Variants in NMRK1 observed in about 807,000 individuals in gnomAD.
NMRK1 encodes nicotinamide riboside kinase 1, also known as NRK 1.
In NMRK1, 28 loss-of-function variants were observed where a neutral mutation model predicts 29.9. The observed-to-expected ratio is 0.94, with a 90% CI of 0.69 to 1.28. NMRK1 has a LOEUF of 1.28. Ranked by LOEUF, NMRK1 falls within the 50% of genes most tolerant of loss-of-function variation. NMRK1 has a pLI of 0.00. For missense variants in NMRK1, 218 were observed against 233.1 expected (o/e 0.94, Z 0.42); for synonymous variants, 58 against 73.0 (o/e 0.79, Z 1.05).
chr9:75,067,100 A>T (rs746538192), intron 7 of NMRK1: 2 of 315,416 alleles, frequency 6.3e-6, no homozygotes, highest in Non-Finnish European at 1.2e-5. Flanking sequence ...AGAGAAAGAA[A>T]GAAGAAAGGA....
At chr9:75,073,310 C>G (rs1436912583) in intron 4 of NMRK1, among the ~76,000 whole-genome samples, 1 of 152,166 alleles carries the variant, frequency 6.6e-6, no homozygotes, top group African/African-American at 2.4e-5. Flanking sequence ...CAGAGGGAAC[C>G]CACCCTGCTG....
rs768209172 is a variant in NMRK1, at chr9:75,061,536, T to C, written c.*12A>G. 4 of 1,608,548 alleles carry C rather than the reference T, an allele frequency of 2.5e-6. No individual in the cohort carries two copies. In the African/African-American group the frequency reaches 5.4e-5, roughly 22 times the overall value. ...CTAATTCACTTCAGGAAGGATTTGTTGTGTTCCGTCTTTATGCTGTCACTT... is the reference window on the plus strand; with the variant it reads ...CTAATTCACTTCAGGAAGGATTTGTCGTGTTCCGTCTTTATGCTGTCACTT... On this transcript the variant is annotated 3_prime_UTR_variant, in exon 9 of 9. Coordinates refer to ENST00000361092, the MANE Select transcript of NMRK1 (RefSeq NM_017881.3).
chr9:75,068,164 A>G (rs891464690), intron 7 of NMRK1, among the ~76,000 whole-genome samples: 2 of 152,062 alleles, frequency 1.3e-5, no homozygotes, highest in Non-Finnish European at 2.9e-5. Flanking sequence ...CTGTTCTATC[A>G]CCCAGTTCTA....
chr9:75,078,569 C>G, intron 2 of NMRK1: 1 of 1,274,990 alleles, frequency 7.8e-7, no homozygotes, highest in Non-Finnish European at 9.9e-7. Context: ...CGTGTTTTAA[C>G]CTGGGGCTCA....
intron 7 of NMRK1, 60 bp downstream of exon 7, chr9:75,068,936 C>T (rs1564128118): frequency 8.6e-7 from 1 of 1,169,430 alleles, no homozygotes; most frequent in East Asian, 2.3e-5. Flanking sequence ...CCTTTCTTTT[C>T]TATACTTTGA....
intron 1 of NMRK1, among the ~76,000 whole-genome samples, chr9:75,086,502 T>C (rs1370928730): frequency 6.6e-6 from 1 of 152,238 alleles, no homozygotes; most frequent in Non-Finnish European, 1.5e-5. Flanking sequence ...ACTAATTTTA[T>C]TTTTTACACT....
chr9:75,066,769 C>T lies in NMRK1; in HGVS notation c.568G>A (p.Ala190Thr), dbSNP rs1228171893. 6.3e-7 allele frequency: 1 copy of T among 1,595,002 alleles called. No individual in the cohort carries two copies. Among genetic ancestry groups the T allele is most frequent in the Non-Finnish European group, 8.6e-7 (1 of 1,162,592 alleles). The change falls in exon 8 of 9, where the codon GCA (alanine) becomes ACA (threonine). Residue 190 changes from alanine (A) to threonine (T), a missense_variant. Physicochemically the swap from Ala to Thr is moderately conservative, Grantham distance 58. Coordinates refer to ENST00000361092, the MANE Select transcript of NMRK1 (RefSeq NM_017881.3). Reference sequence around the variant, plus strand: ...GCACAATACTTACACTTTTGCTTTGCTAGTTCTTGTATTAGATCTTCATAT... The same window carrying T: ...GCACAATACTTACACTTTTGCTTTGTTAGTTCTTGTATTAGATCTTCATAT... ...QVYEDLIQEL[A>T]KQKCLQVTA
chr9:75,069,228 A>G lies in NMRK1; in HGVS notation c.390-126T>C, dbSNP rs1823551630. The G allele has an allele frequency of 5.4e-5, 34 of 627,908 alleles. No homozygotes were observed. In the South Asian group the frequency reaches 7.2e-4, roughly 13 times the overall value. 38.9% of individuals were successfully genotyped at this position (627,908 alleles called of 1,614,324 possible). ...TCTAAACAGGATTAGGACTACATGT[A>G]CTACATGTTTTAACTCAATGGCAGT... On this transcript the variant is annotated intron_variant, in intron 6 of 8. Coordinates refer to ENST00000361092, the MANE Select transcript of NMRK1 (RefSeq NM_017881.3).
At chr9:75,087,109 G>T (rs1824701362) in intron 1 of NMRK1, among the ~76,000 whole-genome samples, 1 of 152,014 alleles carries the variant, frequency 6.6e-6, no homozygotes, top group Non-Finnish European at 1.5e-5. Flanking sequence ...GTTTCACCAG[G>T]TTGGCCAAGA....
chr9:75,077,609 G>A, intron 2 of NMRK1, 29 bp from the exon 3 acceptor site: 1 of 1,465,272 alleles, frequency 6.8e-7, no homozygotes, highest in Non-Finnish European at 9.5e-7. Context: ...AAAGTACCAA[G>A]AAGGAAAATG....
At chr9:75,080,935 G>A (rs1824283805) in intron 2 of NMRK1, among the ~76,000 whole-genome samples, 1 of 152,138 alleles carries the variant, frequency 6.6e-6, no homozygotes, top group African/African-American at 2.4e-5. Context: ...CATGTTTCTT[G>A]TAGAGCCTGC....
intron 1 of NMRK1, among the ~76,000 whole-genome samples, chr9:75,085,184 T>C (rs1054353778): frequency 1.3e-5 from 2 of 152,242 alleles, no homozygotes; most frequent in African/African-American, 4.8e-5. Flanking sequence ...TATTTTTGGA[T>C]AGCTCGCTGA....
At chr9:75,067,533 C>G (rs1823431292) in intron 7 of NMRK1, among the ~76,000 whole-genome samples, 1 of 152,076 alleles carries the variant, frequency 6.6e-6, no homozygotes, top group Admixed American at 6.6e-5. Flanking sequence ...TGGGGAAGCT[C>G]CAGGAACAGC....
intron 1 of NMRK1, among the ~76,000 whole-genome samples, chr9:75,084,223 C>G (rs918993027): frequency 2.6e-5 from 4 of 152,224 alleles, no homozygotes; most frequent in Non-Finnish European, 5.9e-5. Flanking sequence ...TCCTTCCTAT[C>G]TGCTCAGGGG....
intron 4 of NMRK1, among the ~76,000 whole-genome samples, chr9:75,075,820 C>T (rs1823955326): frequency 6.6e-6 from 1 of 152,032 alleles, no homozygotes; most frequent in South Asian, 2.1e-4. Context: ...TAGTTTGCTC[C>T]AGGCAAAATT....
At chr9:75,073,547 T>C (rs1041089781) in intron 4 of NMRK1, among the ~76,000 whole-genome samples, 2 of 151,978 alleles carry the variant, frequency 1.3e-5, no homozygotes. Flanking sequence ...GAGACCAGCC[T>C]GGCCAACATG....
At chr9:75,077,798 G>A (rs1250977522) in intron 2 of NMRK1, among the ~76,000 whole-genome samples, 1 of 152,040 alleles carries the variant, frequency 6.6e-6, no homozygotes, top group African/African-American at 2.4e-5. Flanking sequence ...ACCATGCCCG[G>A]CTAATTTCTG....
intron 4 of NMRK1, among the ~76,000 whole-genome samples, chr9:75,074,630 T>C (rs1011783903): frequency 7.2e-5 from 11 of 152,122 alleles, no homozygotes; most frequent in African/African-American, 2.7e-4. Flanking sequence ...TCAAGTAATC[T>C]ACCCACCTTG....
intron 2 of NMRK1, among the ~76,000 whole-genome samples, chr9:75,079,004 C>A (rs1486857278): frequency 6.6e-6 from 1 of 152,126 alleles, no homozygotes; most frequent in South Asian, 2.1e-4. Context: ...ACCATACCAC[C>A]AAAATGTTCA....
Sources: allele counts gnomAD v4.1 joint callset (sites outside exome capture counted in the v4.1 genomes callset), GRCh38; gene constraint gnomAD v4.1.1; transcripts MANE v1.5; gene names NCBI Gene and HGNC (gene_info 2026-07-23, HGNC 2026-07-21).